Variants in DENND1B observed in about 807,000 individuals in gnomAD.
DENND1B encodes the protein DENN domain-containing protein 1B.
Under a neutral mutation model 90.1 loss-of-function variants are expected in DENND1B, and 59 were observed. That is an observed-to-expected ratio of 0.65 (90% CI 0.53 to 0.81). The LOEUF is 0.81. Ranked by LOEUF, DENND1B falls within the 40% of genes least tolerant of loss-of-function variation. The pLI, the probability that DENND1B is intolerant of heterozygous loss-of-function variation, is 0.00. For missense variants in DENND1B, 862 were observed against 912.6 expected (o/e 0.94, Z 0.71); for synonymous variants, 337 against 324.6 (o/e 1.04, Z -0.41).
At chr1:197,599,889 C>T (rs1676046263) in intron 13 of DENND1B, among the ~76,000 whole-genome samples, 1 of 151,780 alleles carries the variant, frequency 6.6e-6, no homozygotes, top group Non-Finnish European at 1.5e-5. Context: ...CCAATAAAAT[C>T]CAAAGGTCTT....
chr1:197,724,348 A>C (rs1411484642), intron 2 of DENND1B, among the ~76,000 whole-genome samples: 1 of 152,170 alleles, frequency 6.6e-6, no homozygotes, highest in Non-Finnish European at 1.5e-5. Flanking sequence ...GGATATTTTC[A>C]AGTTACAATA....
intron 16 of DENND1B, 59 bp from the exon 17 acceptor site, chr1:197,546,832 A>G (rs2125672473): frequency 6.9e-7 from 1 of 1,456,892 alleles, no homozygotes; most frequent in African/African-American, 1.4e-5. Flanking sequence ...TCTGTAAACC[A>G]AAATTTATCA....
intron 2 of DENND1B, among the ~76,000 whole-genome samples, chr1:197,754,801 C>T (rs1328443226): frequency 1.3e-5 from 2 of 151,232 alleles, no homozygotes; most frequent in Non-Finnish European, 2.9e-5. Context: ...ACGGAAAATG[C>T]ATATTCATGC....
intron 3 of DENND1B, among the ~76,000 whole-genome samples, chr1:197,700,828 A>C (rs902384435): frequency 1.3e-5 from 2 of 152,166 alleles, no homozygotes; most frequent in African/African-American, 4.8e-5. Context: ...CCAACAAACG[A>C]GAAAAAGCTT....
chr1:197,604,874 T>C (rs948140656), intron 13 of DENND1B, among the ~76,000 whole-genome samples: 2 of 151,108 alleles, frequency 1.3e-5, no homozygotes, highest in Non-Finnish European at 3.0e-5. Context: ...TCCACCAAAA[T>C]TGTAAGAGAT....
At chr1:197,755,007 A>G (rs1439116833) in intron 2 of DENND1B, among the ~76,000 whole-genome samples, 1 of 152,194 alleles carries the variant, frequency 6.6e-6, no homozygotes, top group Non-Finnish European at 1.5e-5. Flanking sequence ...ATATACAGAC[A>G]CACATACTGA....
intron 12 of DENND1B, among the ~76,000 whole-genome samples, chr1:197,608,042 G>C (rs1486578851): frequency 6.6e-6 from 1 of 150,498 alleles, no homozygotes; most frequent in Non-Finnish European, 1.5e-5. Context: ...AATTGTATAA[G>C]TCAACTAGCA....
intron 3 of DENND1B, among the ~76,000 whole-genome samples, chr1:197,706,670 A>G (rs1257305440): frequency 6.6e-6 from 1 of 152,198 alleles, no homozygotes; most frequent in Non-Finnish European, 1.5e-5. Flanking sequence ...CAGGCACATC[A>G]AACAATCTCA....
At chr1:197,529,262 GTGTGTGTATA>G (rs71817107) in intron 20 of DENND1B, among the ~76,000 whole-genome samples, 54,931 of 90,568 alleles carry the variant, frequency 0.61, 12,753 homozygotes, top group East Asian at 0.78. Flanking sequence ...GTGTGTGTGT[GTGTGTGTATA>G]TGTATATATG....
At chr1:197,698,042 G>A (rs570432108) in intron 3 of DENND1B, among the ~76,000 whole-genome samples, 1 of 151,962 alleles carries the variant, frequency 6.6e-6, no homozygotes, top group African/African-American at 2.4e-5. Context: ...TGTTCAGGAT[G>A]TGAACTCAGC....
chr1:197,664,022 CACACACAG>C (rs1342098048), intron 5 of DENND1B, among the ~76,000 whole-genome samples: 1 of 151,784 alleles, frequency 6.6e-6, no homozygotes, highest in African/African-American at 2.4e-5. Context: ...CACACACACA[CACACACAG>C]AGAGAGAGAT....
At chr1:197,621,217 T>C (rs1447129164) in intron 10 of DENND1B, among the ~76,000 whole-genome samples, 2 of 151,246 alleles carry the variant, frequency 1.3e-5, no homozygotes, top group African/African-American at 4.8e-5. Flanking sequence ...TCGATGACAT[T>C]TTTACATACC....
At chr1:197,631,931 T>G (rs1679363159) in intron 10 of DENND1B, among the ~76,000 whole-genome samples, 1 of 152,084 alleles carries the variant, frequency 6.6e-6, no homozygotes, top group South Asian at 2.1e-4. Context: ...AAGTAAACAT[T>G]TGGTAAAGAC....
intron 12 of DENND1B, among the ~76,000 whole-genome samples, chr1:197,608,662 T>C (rs1030070228): frequency 9.5e-4 from 143 of 150,686 alleles, no homozygotes; most frequent in African/African-American, 3.0e-3. Context: ...ATAAACCTGA[T>C]GTATTTGTTA....
chr1:197,621,933 G>C (rs548689042), intron 10 of DENND1B, among the ~76,000 whole-genome samples: 2 of 151,372 alleles, frequency 1.3e-5, no homozygotes, highest in African/African-American at 4.8e-5. Context: ...CCAATATATT[G>C]AACTAATACA....
chr1:197,756,575 CAAAAAAAAAAAAA>C (rs57605617), intron 2 of DENND1B, among the ~76,000 whole-genome samples: 3 of 53,966 alleles, frequency 5.6e-5, no homozygotes, highest in East Asian at 5.7e-4. Context: ...GTCTCCATCT[CAAAAAAAAAAAAA>C]AAAAAAAAAA....
chr1:197,515,346 A>C (rs1374761097), intron 20 of DENND1B, among the ~76,000 whole-genome samples: 1 of 151,780 alleles, frequency 6.6e-6, no homozygotes, highest in East Asian at 1.9e-4. Flanking sequence ...AGTTAAACAG[A>C]AATCTGCAGA....
chr1:197,571,648 C>G (rs1476259760), intron 15 of DENND1B, among the ~76,000 whole-genome samples: 1 of 152,128 alleles, frequency 6.6e-6, no homozygotes, highest in Non-Finnish European at 1.5e-5. Context: ...TAACCCATTT[C>G]CTTCACTAGA....
At chr1:197,762,361 G>T (rs1655183252) in intron 2 of DENND1B, among the ~76,000 whole-genome samples, 1 of 152,102 alleles carries the variant, frequency 6.6e-6, no homozygotes, top group South Asian at 2.1e-4. Context: ...CTGCCTCGCG[G>T]GTTCACGCCA....
Sources: allele counts gnomAD v4.1 joint callset (sites outside exome capture counted in the v4.1 genomes callset), GRCh38; gene constraint gnomAD v4.1.1; transcripts MANE v1.5; gene names NCBI Gene and HGNC (gene_info 2026-07-23, HGNC 2026-07-21).